The following SETD3 variants were observed in gnomAD, a reference collection of about 807,000 sequenced individuals.
SETD3 encodes the protein SET domain containing 3, actin N3(tau)-histidine methyltransferase.
A neutral mutation model predicts 63.0 loss-of-function variants in SETD3; 19 were observed. The observed-to-expected ratio is 0.30, with a 90% confidence interval of 0.21 to 0.44. The LOEUF is 0.44. Ranked by LOEUF, SETD3 falls within the 20% of genes least tolerant of loss-of-function variation. SETD3 has a pLI of 1.00. For synonymous variants in SETD3, 286 were observed against 264.1 expected (o/e 1.08, Z -0.80); for missense variants, 587 against 728.5 (o/e 0.81, Z 2.24).
At chr14:99,477,813 T>C (rs944000570) in intron 1 of SETD3, among the ~76,000 whole-genome samples, 2 of 150,550 alleles carry the variant, frequency 1.3e-5, no homozygotes, top group African/African-American at 4.9e-5. Flanking sequence ...TATATATTAA[T>C]ATTTTGATAG....
chr14:99,440,817 A>C (rs796102007), intron 6 of SETD3, among the ~76,000 whole-genome samples: 11 of 152,136 alleles, frequency 7.2e-5, no homozygotes, highest in African/African-American at 2.6e-4. Context: ...AAATACAGAA[A>C]GCACTTAAAA....
chr14:99,419,760 G>A (rs1375088916), intron 6 of SETD3, among the ~76,000 whole-genome samples: 1 of 148,746 alleles, frequency 6.7e-6, no homozygotes, highest in East Asian at 2.0e-4. Context: ...GGGCGACAGA[G>A]CGAGACTCCG....
At chr14:99,408,037 C>T (rs1429206864) in intron 8 of SETD3, among the ~76,000 whole-genome samples, 2 of 152,180 alleles carry the variant, frequency 1.3e-5, no homozygotes, top group Admixed American at 1.3e-4. Flanking sequence ...TACTTTTTGA[C>T]CTACTCATTT....
At chr14:99,439,862 G>C (rs537669361) in intron 6 of SETD3, among the ~76,000 whole-genome samples, 1 of 151,760 alleles carries the variant, frequency 6.6e-6, no homozygotes, top group African/African-American at 2.4e-5. Context: ...CACAATCTTG[G>C]CTCACTGCAA....
chr14:99,435,672 A>T (rs907132603), intron 6 of SETD3, among the ~76,000 whole-genome samples: 2 of 151,570 alleles, frequency 1.3e-5, no homozygotes, highest in African/African-American at 4.9e-5. Context: ...ATCTAGAAAT[A>T]CCTTTCCTTC....
chr14:99,417,899 G>A (rs1892367286), intron 6 of SETD3, among the ~76,000 whole-genome samples: 1 of 152,056 alleles, frequency 6.6e-6, no homozygotes, highest in Admixed American at 6.5e-5. Flanking sequence ...AAAATGCTCT[G>A]AAGAAAAAAA....
At chr14:99,451,947 AGAT>A (rs1894485925) in intron 6 of SETD3, among the ~76,000 whole-genome samples, 1 of 152,216 alleles carries the variant, frequency 6.6e-6, no homozygotes, top group Non-Finnish European at 1.5e-5. Flanking sequence ...GTCAAGAAGA[AGAT>A]ATTTGACATA....
intron 6 of SETD3, among the ~76,000 whole-genome samples, chr14:99,419,117 T>C (rs1015615237): frequency 7.9e-5 from 12 of 152,196 alleles, no homozygotes; most frequent in Non-Finnish European, 1.8e-4. Context: ...AAAAAATCAA[T>C]TTTTAAGACT....
intron 8 of SETD3, 117 bp from the exon 9 acceptor site, chr14:99,406,707 G>T: frequency 1.0e-6 from 1 of 986,836 alleles, no homozygotes. Flanking sequence ...TACTCAAAAG[G>T]TGGCATCTGA....
At chr14:99,404,422 T>C in intron 10 of SETD3, 112 bp from the exon 11 acceptor site, 1 of 914,826 alleles carries the variant, frequency 1.1e-6, no homozygotes. Flanking sequence ...AGAGCTGAGC[T>C]GGAATGGGTC....
At chr14:99,418,094 C>G (rs1892377010) in intron 6 of SETD3, among the ~76,000 whole-genome samples, 1 of 152,198 alleles carries the variant, frequency 6.6e-6, no homozygotes, top group Non-Finnish European at 1.5e-5. Context: ...ATAGAAATGA[C>G]TCTTCTAAAT....
In SETD3 at chr14:99,399,099, G is replaced by A. The variant is rs199914283; in HGVS notation, c.1365C>T (p.His455=). 159 of 1,613,722 alleles carry A rather than the reference G, an allele frequency of 9.9e-5. No individual in the cohort carries two copies. Among genetic ancestry groups the A allele is most frequent in the Middle Eastern group, 1.7e-4 (1 of 6,060 alleles). The part of the protein sequence containing the change: ...IEEDKSVLKN[H]DLSVRAKMAI... ...CCATTTTTGCACGAACAGAAAGATC[G>A]TGGTTTTTCAAGACGGATTTATCTT... The change falls in exon 13 of 13, where the codon CAC becomes CAT. Residue 455 remains histidine, a synonymous_variant. Transcript: ENST00000331768.
upstream of SETD3, chr14:99,481,739 G>T (rs1896331825): frequency 2.7e-6 from 1 of 366,568 alleles, no homozygotes; most frequent in Non-Finnish European, 4.8e-6. Flanking sequence ...TCGCACTGGG[G>T]GGCAGTCAGA....
intron 6 of SETD3, among the ~76,000 whole-genome samples, chr14:99,429,797 T>A (rs928288137): frequency 1.3e-5 from 2 of 152,246 alleles, no homozygotes; most frequent in Non-Finnish European, 2.9e-5. Context: ...TGAATCTTTT[T>A]AAGTCCCAAA....
chr14:99,474,547 A>T (rs1266789198), intron 1 of SETD3, among the ~76,000 whole-genome samples: 1 of 152,204 alleles, frequency 6.6e-6, no homozygotes, highest in African/African-American at 2.4e-5. Flanking sequence ...GTCCCATGTA[A>T]GTATTATAAC....
At chr14:99,455,945 A>C (rs1033288190) in intron 6 of SETD3, among the ~76,000 whole-genome samples, 2 of 152,246 alleles carry the variant, frequency 1.3e-5, no homozygotes, top group Non-Finnish European at 2.9e-5. Context: ...ACTTGACTCC[A>C]GGAGTTCAAG....
chr14:99,451,053 C>G (rs1197895824), intron 6 of SETD3, among the ~76,000 whole-genome samples: 3 of 152,178 alleles, frequency 2.0e-5, no homozygotes, highest in Non-Finnish European at 2.9e-5. Flanking sequence ...TGAAAAACAT[C>G]TGAGCTAATC....
At chr14:99,399,814 G>T (rs565670702) in intron 12 of SETD3, among the ~76,000 whole-genome samples, 5 of 137,560 alleles carry the variant, frequency 3.6e-5, no homozygotes, top group African/African-American at 1.4e-4. Flanking sequence ...GCAGTGTCGA[G>T]ATCTCAGCTC....
intron 3 of SETD3, among the ~76,000 whole-genome samples, chr14:99,461,897 A>C (rs1341859299): frequency 6.6e-6 from 1 of 152,252 alleles, no homozygotes; most frequent in East Asian, 1.9e-4. Flanking sequence ...GTATAACACT[A>C]AATGTACCAC....
Sources: gnomAD v4.1 joint callset for allele counts (sites outside exome capture counted in the v4.1 genomes callset) on GRCh38, gnomAD v4.1.1 for gene constraint, MANE v1.5 for transcripts, NCBI Gene and HGNC (gene_info 2026-07-23, HGNC 2026-07-21) for gene names.